Variants in MYO9A observed in about 807,000 individuals in gnomAD.
MYO9A encodes myosin IXA.
Under a neutral mutation model 293.3 loss-of-function variants are expected in MYO9A, and 103 were observed. The ratio of observed to expected loss-of-function variants is 0.35; its 90% CI spans 0.30 to 0.41. The LOEUF (loss-of-function observed/expected upper bound fraction) is 0.41. Ranked by LOEUF, MYO9A falls within the 10% of genes least tolerant of loss-of-function variation. MYO9A has a pLI of 1.00. For synonymous variants in MYO9A, 1,001 were observed against 1,035.7 expected, an observed-to-expected ratio of 0.97 and a Z score of 0.64; for missense variants, 2,685 against 3,033.0, an observed-to-expected ratio of 0.89 and a Z score of 2.69.
Position 71,897,846 on chromosome 15 carries a change from T to C in MYO9A, c.4657A>G (p.Arg1553Gly). ...AGGAGAGAGGATGGCCTCTCTACTCTTTGCTTTGACTGATAGGAAGATGGT... is the reference window on the plus strand; with the variant it reads ...AGGAGAGAGGATGGCCTCTCTACTCCTTGCTTTGACTGATAGGAAGATGGT... ...VAPSSYQSKQ[R>G]VERPSSLLSL... Residue 1553 changes from arginine to glycine, a missense_variant, in exon 25 of 42, where the codon AGA becomes GGA. By Grantham distance (125) the Arg-to-Gly change is moderately radical (BLOSUM62 -2). This residue lies in a region of MYO9A where 1,434 missense variants were observed against 1,497.7 expected (regional missense o/e 0.96). Transcript: ENST00000356056. 6.2e-7 allele frequency: 1 copy of C among 1,614,090 alleles called. No individual in the cohort carries two copies. The highest frequency in any genetic ancestry group is 8.5e-7 in the Non-Finnish European group (1 of 1,180,008).
intron 1 of MYO9A, among the ~76,000 whole-genome samples, chr15:72,074,952 T>TTC (rs2079302497): frequency 9.3e-5 from 1 of 10,724 alleles, no homozygotes; most frequent in African/African-American, 1.6e-4. Flanking sequence ...TTTCACTGCC[T>TTC]TTTTTTTTTT....
At chr15:72,011,597 G>GA (rs61024694) in intron 6 of MYO9A, among the ~76,000 whole-genome samples, 30 of 149,026 alleles carry the variant, frequency 2.0e-4, no homozygotes, top group East Asian at 5.9e-4. Context: ...ACCATCTCAA[G>GA]AAAAAAAAAA....
chr15:72,064,896 T>G (rs1238756714), intron 1 of MYO9A, among the ~76,000 whole-genome samples: 1 of 152,150 alleles, frequency 6.6e-6, no homozygotes, highest in East Asian at 1.9e-4. Flanking sequence ...GGACCTAGAA[T>G]AGCCAAGACA....
rs574093501 is a variant in MYO9A, at chr15:72,058,928, AGT to A, written c.-71-12296_-71-12295del. Among the ~76,000 whole-genome samples the A allele has an allele frequency of 7.5e-4, 114 of 152,354 alleles. 1 individual carries two copies. The highest frequency in any genetic ancestry group is 1.2e-3 in the Non-Finnish European group (85 of 68,012). ...TGCAGTGTTCTGTGCAGTGTTCTGC[AGT>A]GTGTTATTAAAATTTACTTTTCAAA... is the stretch of plus-strand genomic sequence containing the variant. On this transcript the variant is annotated intron_variant, in intron 1 of 41. Transcript: ENST00000356056.
At chr15:71,934,838 G>T (rs1282024484) in intron 17 of MYO9A, among the ~76,000 whole-genome samples, 2 of 130,544 alleles carry the variant, frequency 1.5e-5, no homozygotes, top group African/African-American at 6.0e-5. Context: ...TATGAAGCAT[G>T]GTAGAGAATG....
Position 71,854,389 on chromosome 15 carries a change from C to T in MYO9A, c.6334G>A (p.Gly2112Ser). 1 of 1,588,372 alleles carries T rather than the reference C, an allele frequency of 6.3e-7. No homozygotes were observed. The highest frequency in any genetic ancestry group is 1.2e-5 in the South Asian group (1 of 84,594). ...GGCACTATCTTACCTGTATCTAGAC[C>T]CTGCCGAAGCTCCTTGATTTTATTA... The part of the protein sequence containing the change: ...STNKIKELRQ[G>S]LDTDAESVNL... The change falls in exon 35 of 42, where the codon GGT becomes AGT. Residue 2112 changes from glycine (G) to serine (S), a missense_variant. Gly to Ser is a moderately conservative substitution (Grantham distance 56). Coordinates refer to ENST00000356056, the MANE Select transcript of MYO9A (RefSeq NM_006901.4).
intron 32 of MYO9A, among the ~76,000 whole-genome samples, chr15:71,869,821 A>G (rs2056451696): frequency 6.6e-6 from 1 of 152,194 alleles, no homozygotes; most frequent in Non-Finnish European, 1.5e-5. Context: ...AAGTCTTTCA[A>G]GTCACTCAAC....
In MYO9A at chr15:71,978,208, G is replaced by GA; in HGVS notation, c.1806_1807insT (p.Pro603SerfsTer10). 1 of 1,613,028 alleles carries GA rather than the reference G, an allele frequency of 6.2e-7. No individual in the cohort carries two copies. The highest frequency in any genetic ancestry group is 8.5e-7 in the Non-Finnish European group (1 of 1,179,596). On this transcript the variant is annotated frameshift_variant, in exon 12 of 42. Transcript: ENST00000356056. LOFTEE classifies it high-confidence loss of function. ...TCCAAAAGATGAAGCAGTCCTGTTG[G>GA]TTTTTTGCTAATAAGATTTATGCAG... is the stretch of plus-strand genomic sequence containing the variant.
intron 19 of MYO9A, 145 bp downstream of exon 19, chr15:71,916,224 CT>C: frequency 2.3e-6 from 2 of 884,036 alleles, no homozygotes; most frequent in Non-Finnish European, 3.1e-6. Context: ...ATCTTTGGTT[CT>C]TTTTTCCAAA....
intron 2 of MYO9A, 38 bp downstream of exon 2, chr15:72,045,686 C>A: frequency 6.6e-7 from 1 of 1,526,410 alleles, no homozygotes; most frequent in South Asian, 1.3e-5. Context: ...GGATAAAAAT[C>A]AAAATTAAAA....
At chr15:71,923,507 T>A (rs892495649) in intron 18 of MYO9A, among the ~76,000 whole-genome samples, 11 of 152,244 alleles carry the variant, frequency 7.2e-5, no homozygotes, top group Admixed American at 2.6e-4. Flanking sequence ...TTTTCTTCAA[T>A]GGGAGACTTT....
rs180792863 is a variant in MYO9A at position 72,059,866 on chromosome 15, T to C, written c.-71-13232A>G. On this transcript the variant is annotated intron_variant, in intron 1 of 41. Coordinates refer to ENST00000356056, the MANE Select transcript of MYO9A (RefSeq NM_006901.4). ...TTTTTTTAAACTGCATTTTAAAAAT[T>C]GGATAGTATAATAACAATAAGGAGT... Among the ~76,000 whole-genome samples, 270 of 152,318 alleles carry C rather than the reference T, an allele frequency of 1.8e-3. 1 individual carries two copies. The highest frequency in any genetic ancestry group is 3.4e-3 in the Middle Eastern group (1 of 294).
At chr15:72,003,341 A>T (rs2076925398) in intron 8 of MYO9A, among the ~76,000 whole-genome samples, 1 of 151,906 alleles carries the variant, frequency 6.6e-6, no homozygotes, top group Admixed American at 6.6e-5. Context: ...ACTAAGAAAC[A>T]CAAATAGCTA....
At chr15:71,882,779 A>G (rs8036307) in intron 28 of MYO9A, among the ~76,000 whole-genome samples, 103,334 of 152,014 alleles carry the variant, frequency 0.68, 35,634 homozygotes, top group Middle Eastern at 0.74. Flanking sequence ...TCCAGTTACT[A>G]TATGTGCATA....
At chr15:72,023,509 A>G (rs2077565158) in intron 4 of MYO9A, among the ~76,000 whole-genome samples, 1 of 152,102 alleles carries the variant, frequency 6.6e-6, no homozygotes, top group Admixed American at 6.6e-5. Context: ...CCTGGCCAAC[A>G]TGGTGAAACC....
chr15:71,928,981 G>A lies in MYO9A; in HGVS notation c.2562+4689C>T, dbSNP rs1276513581. Reference sequence around the variant, plus strand: ...AGCTACTGAGGAGGCTGAGGTGGAAGGATTGCTTGAACCCATGAGTTCAAG... The same window carrying A: ...AGCTACTGAGGAGGCTGAGGTGGAAAGATTGCTTGAACCCATGAGTTCAAG... On this transcript the variant is annotated intron_variant, in intron 18 of 41. Coordinates refer to ENST00000356056, the MANE Select transcript of MYO9A (RefSeq NM_006901.4). Among the ~76,000 whole-genome samples, 3 of 151,732 alleles carry A rather than the reference G, an allele frequency of 2.0e-5. No homozygotes were observed. The East Asian group carries it at 5.8e-4, about 29-fold the overall frequency.
At chr15:72,039,664 A>G (rs931213547) in intron 2 of MYO9A, among the ~76,000 whole-genome samples, 2 of 152,004 alleles carry the variant, frequency 1.3e-5, no homozygotes, top group Non-Finnish European at 2.9e-5. Context: ...CCCCATCTCT[A>G]CTAAAGACAC....
chr15:71,990,666 A>T (rs576439875), intron 11 of MYO9A, among the ~76,000 whole-genome samples: 61 of 150,482 alleles, frequency 4.1e-4, no homozygotes, highest in African/African-American at 1.4e-3. Flanking sequence ...CTGAGCCAGG[A>T]GGCTGGCATG....
At position 72,118,056 on chromosome 15, in the gene MYO9A, G is replaced by C. The variant is rs377013970; in HGVS notation, c.-448C>G. 26 of 396,108 alleles carry C rather than the reference G, an allele frequency of 6.6e-5. No individual in the cohort carries two copies. In the South Asian group the frequency reaches 2.9e-3, roughly 45 times the overall value. The allele number at this position is 396,108 out of a possible 1,614,324, so 24.5% of individuals were successfully genotyped here. ...TCAACAGACACAGCCAACCGCCGCC[G>C]CGTCCCTTATCCGCTTCGGTCGCGC... On this transcript the variant is annotated 5_prime_UTR_variant, in exon 1 of 42. Transcript: ENST00000356056.
Sources: allele counts gnomAD v4.1 joint callset (sites outside exome capture counted in the v4.1 genomes callset), GRCh38; gene constraint gnomAD v4.1.1; regional missense constraint gnomAD v4.1.1; transcripts MANE v1.5; gene names NCBI Gene and HGNC (gene_info 2026-07-23, HGNC 2026-07-21).